TBC1D8B: variants seen among roughly 807,000 people sequenced by gnomAD.
TBC1D8B encodes the protein RP11-321G1.1.
TBC1D8B carries 75 observed loss-of-function variants against 82.9 expected under a neutral mutation model. The observed-to-expected ratio is 0.90, with a 90% CI of 0.75 to 1.10. The LOEUF (loss-of-function observed/expected upper bound fraction) is 1.10, where lower values mean the gene tolerates loss of function less well. TBC1D8B is among the 50% of genes least tolerant of loss of function. The pLI, the probability that TBC1D8B is intolerant of heterozygous loss-of-function variation, is 0.00. For missense variants in TBC1D8B, 794 were observed against 796.9 expected (o/e 1.00, Z 0.04); for synonymous variants, 276 against 276.8 (o/e 1.00, Z 0.03).
In TBC1D8B at chrX:106,823,354, C is replaced by T; in HGVS notation, c.715C>T (p.Gln239Ter). ...HYFSMFLHIN[Q>*]TYLLMEQLAN... ...CTTTTCAATGTTTTTGCACATTAAC[C>T]AAACATACCTTCTTATGGAACAGCT... is the stretch of plus-strand genomic sequence containing the variant. Residue 239 changes from glutamine (Q) to a stop codon, truncating the protein, a stop_gained, in exon 5 of 21, where the codon CAA becomes TAA. Coordinates refer to ENST00000357242, the MANE Select transcript of TBC1D8B (RefSeq NM_017752.3). LOFTEE classifies it high-confidence loss of function. 1 of 1,210,385 alleles carries T rather than the reference C, an allele frequency of 8.3e-7. No individual in the cohort carries two copies. Among genetic ancestry groups the T allele is most frequent in the Non-Finnish European group, 1.1e-6 (1 of 894,692 alleles).
At chrX:106,835,370 G>T (rs1401095979) in intron 7 of TBC1D8B, among the ~76,000 whole-genome samples, 1 of 112,405 alleles carries the variant, frequency 8.9e-6, no homozygotes, top group Non-Finnish European at 1.9e-5. Flanking sequence ...TCCTGAGGCT[G>T]CATAGAGCAG....
intron 1 of TBC1D8B, among the ~76,000 whole-genome samples, chrX:106,803,486 AG>A (rs1377884029): frequency 9.0e-6 from 1 of 111,250 alleles, no homozygotes; most frequent in Non-Finnish European, 1.9e-5. Context: ...AGACTTCAAA[AG>A]AAATATTAGG....
chrX:106,812,612 AC>A (rs754457007), intron 1 of TBC1D8B, among the ~76,000 whole-genome samples: 2 of 111,280 alleles, frequency 1.8e-5, no homozygotes, highest in East Asian at 5.7e-4. Flanking sequence ...CTAAACTAGC[AC>A]ATTGATAATG....
chrX:106,856,457 A>G lies in TBC1D8B; in HGVS notation c.2352+2161A>G, dbSNP rs747117545. Among the ~76,000 whole-genome samples the G allele has an allele frequency of 9.3e-4, 103 of 110,919 alleles. 2 individuals carry two copies. The highest frequency in any genetic ancestry group is 3.2e-3 in the African/African-American group (99 of 30,765). On this transcript the variant is annotated intron_variant, in intron 14 of 20. Coordinates refer to ENST00000357242, the MANE Select transcript of TBC1D8B (RefSeq NM_017752.3). ...TAAAAATATTTTTTCATATTGGCCT[A>G]TAGTACTGGTATTGCTTTTTTAACA...
At chrX:106,862,774 TTG>T (rs1223124802) in intron 14 of TBC1D8B, among the ~76,000 whole-genome samples, 4 of 99,192 alleles carry the variant, frequency 4.0e-5, no homozygotes, top group Non-Finnish European at 6.0e-5. Context: ...GGGTTTTTTT[TTG>T]TTTTTTTTTT....
Position 106,802,976 on chromosome X carries a change from G to A in TBC1D8B, c.123G>A (p.Gly41=), listed in dbSNP as rs1018828684. The A allele has an allele frequency of 5.0e-6, 6 of 1,202,460 alleles. No homozygotes were observed. In the African/African-American group the frequency reaches 1.1e-4, roughly 21 times the overall value. The stretch of plus-strand genomic sequence containing the variant: ...GCTACGGGGAGGAAGGCGGAGGGGG[G>A]CTCACAGGTAAGCTGTGGCCACCCT... ...RRGYGEEGGG[G]LTGLLVGTLD... The change falls in exon 1 of 21, where the codon GGG becomes GGA. Residue 41 remains glycine, a synonymous_variant. Coordinates refer to ENST00000357242, the MANE Select transcript of TBC1D8B (RefSeq NM_017752.3).
At chrX:106,848,086 T>C (rs1932499691) in intron 10 of TBC1D8B, 100 bp from the exon 11 acceptor site, 3 of 494,281 alleles carry the variant, frequency 6.1e-6, no homozygotes, top group Middle Eastern at 6.2e-4. Flanking sequence ...ATTATTACTC[T>C]CAGTTGTTCT....
At chrX:106,857,821 G>T (rs961394085) in intron 14 of TBC1D8B, among the ~76,000 whole-genome samples, 1 of 112,257 alleles carries the variant, frequency 8.9e-6, no homozygotes, top group African/African-American at 3.2e-5. Flanking sequence ...ACTGTTGATG[G>T]GCATCTAAGT....
intron 7 of TBC1D8B, among the ~76,000 whole-genome samples, chrX:106,832,936 G>A (rs1166496261): frequency 4.5e-5 from 5 of 110,935 alleles, no homozygotes; most frequent in African/African-American, 1.6e-4. Flanking sequence ...AGCTGTGGGG[G>A]TAGATTTATT....
chrX:106,806,263 G>A (rs1057003190), intron 1 of TBC1D8B, among the ~76,000 whole-genome samples: 2 of 112,168 alleles, frequency 1.8e-5, no homozygotes, highest in East Asian at 2.8e-4. Context: ...CTGGCTCACA[G>A]CAGGATGGAA....
chrX:106,816,935 C>T (rs1931557249), intron 1 of TBC1D8B, among the ~76,000 whole-genome samples: 1 of 111,454 alleles, frequency 9.0e-6, no homozygotes, highest in South Asian at 3.7e-4. Flanking sequence ...CAAATGTGAG[C>T]ATCTGCCAAT....
At chrX:106,839,081 A>G (rs1381826376) in intron 7 of TBC1D8B, among the ~76,000 whole-genome samples, 1 of 111,348 alleles carries the variant, frequency 9.0e-6, no homozygotes, top group Non-Finnish European at 1.9e-5. Flanking sequence ...TTTTGCCACT[A>G]TTTTGTTGCT....
At chrX:106,829,400 A>G (rs1304613284) in intron 7 of TBC1D8B, 3 of 104,957 alleles carry the variant, frequency 2.9e-5, no homozygotes, top group African/African-American at 1.1e-4. Context: ...TGCCATCCCC[A>G]TCAAGCTACC....
chrX:106,823,286 T>C lies in TBC1D8B; in HGVS notation c.647T>C (p.Leu216Pro). 1 of 1,209,751 alleles carries C rather than the reference T, an allele frequency of 8.3e-7. No homozygotes were observed. Among genetic ancestry groups the C allele is most frequent in the Non-Finnish European group, 1.1e-6 (1 of 894,131 alleles). ...CTTGAAAAGACTTCAAATGTCATAC[T>C]GACAGAGAGTATTCACGTGTGTTCC... ...SKLEKTSNVI[L>P]TESIHVCSQG... The change falls in exon 5 of 21, where the codon CTG (leucine) becomes CCG (proline). Residue 216 changes from leucine to proline, a missense_variant. Leu to Pro is a moderately conservative substitution (Grantham distance 98). Coordinates refer to ENST00000357242, the MANE Select transcript of TBC1D8B (RefSeq NM_017752.3).
chrX:106,823,402 C>T lies in TBC1D8B; in HGVS notation c.763C>T (p.Leu255Phe), dbSNP rs1353499103. 1 of 1,210,182 alleles carries T rather than the reference C, an allele frequency of 8.3e-7. No individual in the cohort carries two copies. The change falls in exon 5 of 21, where the codon CTT (leucine) becomes TTT (phenylalanine). Residue 255 changes from leucine (L) to phenylalanine (F), a missense_variant. By Grantham distance (22) the Leu-to-Phe change is conservative. Transcript: ENST00000357242. ...GCTGGCAAACTATGCCATTAGAAGA[C>T]TTTTTGATAAGGAAACATTTGATAA... ...EQLANYAIRR[L>F]FDKETFDNDP...
intron 11 of TBC1D8B, among the ~76,000 whole-genome samples, chrX:106,848,695 T>C (rs925799798): frequency 2.7e-5 from 3 of 111,822 alleles, no homozygotes; most frequent in African/African-American, 9.7e-5. Flanking sequence ...AAAATCTCCA[T>C]ATTTGTATGA....
chrX:106,843,163 GT>G (rs1932357320), intron 10 of TBC1D8B, among the ~76,000 whole-genome samples: 1 of 110,989 alleles, frequency 9.0e-6, no homozygotes, highest in South Asian at 3.7e-4. Context: ...TCATGTACAA[GT>G]TTTTTATGGA....
In TBC1D8B at chrX:106,854,335, AT is replaced by A. The variant is rs754149422; in HGVS notation, c.2352+49del. The stretch of plus-strand genomic sequence containing the variant: ...CAATGAGGAAAAACCAGTTGGAGTA[AT>A]TTTTTTTTTCTATAACTTTCTTTAG... On this transcript the variant is annotated intron_variant, in intron 14 of 20. Coordinates refer to ENST00000357242, the MANE Select transcript of TBC1D8B (RefSeq NM_017752.3). 7.2e-4 allele frequency: 656 copies of A among 909,456 alleles called. 1 individual carries two copies. The highest frequency in any genetic ancestry group is 5.7e-3 in the Middle Eastern group (19 of 3,327). The allele number at this position is 909,456 out of a possible 1,213,427, so 74.9% of individuals were successfully genotyped here. A position where few individuals can be genotyped will look rare whatever the true frequency, so the allele number is the denominator to read the frequency against.
At chrX:106,810,522 C>A (rs1931335685) in intron 1 of TBC1D8B, among the ~76,000 whole-genome samples, 1 of 111,754 alleles carries the variant, frequency 8.9e-6, no homozygotes, top group Non-Finnish European at 1.9e-5. Context: ...AATAATTAAA[C>A]CTTTGTTTTT....
Sources: gnomAD v4.1 joint callset for allele counts (sites outside exome capture counted in the v4.1 genomes callset) on GRCh38, gnomAD v4.1.1 for gene constraint, MANE v1.5 for transcripts, NCBI Gene and HGNC (gene_info 2026-07-23, HGNC 2026-07-21) for gene names.